Variants in SHB observed in about 807,000 individuals in gnomAD.
The protein encoded by SHB is SH2 domain-containing adapter protein B.
In SHB, 20 loss-of-function variants were observed where a neutral mutation model predicts 52.3. The ratio of observed to expected loss-of-function variants is 0.38; its 90% CI spans 0.27 to 0.56. SHB has a LOEUF of 0.56. Among genes scored for constraint, SHB ranks in the 20% least tolerant of loss-of-function variants. The pLI, the probability that SHB is intolerant of heterozygous loss-of-function variation, is 0.71. For synonymous variants in SHB, 397 were observed against 316.5 expected (o/e 1.25, Z -2.70); for missense variants, 825 against 723.3 (o/e 1.14, Z -1.61).
chr9:37,943,280 A>C (rs1336342263), intron 5 of SHB, among the ~76,000 whole-genome samples: 1 of 152,110 alleles, frequency 6.6e-6, no homozygotes, highest in Non-Finnish European at 1.5e-5. Flanking sequence ...ACTTTCATAG[A>C]AAGAGTACTT....
At position 38,038,103 on chromosome 9, in the gene SHB, T is replaced by C. The variant is rs367951306; in HGVS notation, c.718-21972A>G. On this transcript the variant is annotated intron_variant, in intron 1 of 5. Transcript: ENST00000377707. ...TCTTCCCCTAACCCTGCTTTATAGCTTGGGTCTGGCTGTCCGGCTCTGCCC... is the reference window on the plus strand; with the variant it reads ...TCTTCCCCTAACCCTGCTTTATAGCCTGGGTCTGGCTGTCCGGCTCTGCCC... Among the ~76,000 whole-genome samples, 22 of 152,306 alleles carry C rather than the reference T, an allele frequency of 1.4e-4. No individual in the cohort carries two copies. In the East Asian group the frequency reaches 3.7e-3, roughly 25 times the overall value.
At chr9:38,060,743 T>C (rs1053027485) in intron 1 of SHB, among the ~76,000 whole-genome samples, 2 of 152,226 alleles carry the variant, frequency 1.3e-5, no homozygotes, top group Admixed American at 6.5e-5. Context: ...GCATCTCCTG[T>C]GGCTCCATGA....
intron 5 of SHB, among the ~76,000 whole-genome samples, chr9:37,940,156 A>G (rs1389030709): frequency 6.6e-6 from 1 of 151,894 alleles, no homozygotes; most frequent in Non-Finnish European, 1.5e-5. Context: ...CTGTTCCTAC[A>G]CTCTCCACCC....
rs1459008641 is a variant in SHB, at chr9:37,917,573, T to G, written c.*2248A>C. Among the ~76,000 whole-genome samples the G allele has an allele frequency of 6.6e-6, 1 of 152,164 alleles. No individual in the cohort carries two copies. Among genetic ancestry groups the G allele is most frequent in the Non-Finnish European group, 1.5e-5 (1 of 68,008 alleles). On this transcript the variant is annotated 3_prime_UTR_variant, in exon 6 of 6. Coordinates refer to ENST00000377707, the MANE Select transcript of SHB (RefSeq NM_003028.3). ...TCCCCCGCCGGAGGGTTGTTCCCCC[T>G]CTTCCTCAGCCTCTCTTGGGCCTCC... is the stretch of plus-strand genomic sequence containing the variant.
intron 1 of SHB, among the ~76,000 whole-genome samples, chr9:38,033,534 T>A (rs959856041): frequency 1.3e-5 from 2 of 152,096 alleles, no homozygotes; most frequent in Non-Finnish European, 2.9e-5. Flanking sequence ...AAATAAAAAT[T>A]AAAATTAATC....
intron 2 of SHB, among the ~76,000 whole-genome samples, chr9:38,003,589 C>G (rs1296618969): frequency 2.6e-5 from 4 of 152,170 alleles, no homozygotes. Context: ...GTGCCCAGAA[C>G]AGCAGGGCTT....
At chr9:37,969,018 C>T (rs1820563433) in intron 3 of SHB, among the ~76,000 whole-genome samples, 1 of 152,212 alleles carries the variant, frequency 6.6e-6, no homozygotes, top group Non-Finnish European at 1.5e-5. Flanking sequence ...ACCCAGTCCC[C>T]CACAGAAACC....
intron 1 of SHB, among the ~76,000 whole-genome samples, chr9:38,017,000 A>G (rs1321044453): frequency 2.0e-5 from 3 of 152,232 alleles, no homozygotes; most frequent in Non-Finnish European, 4.4e-5. Flanking sequence ...TGGGATTCTA[A>G]CACTTCAGAG....
In SHB at chr9:38,049,706, G is replaced by A. The variant is rs552737153; in HGVS notation, c.717+18223C>T. On this transcript the variant is annotated intron_variant, in intron 1 of 5. Coordinates refer to ENST00000377707, the MANE Select transcript of SHB (RefSeq NM_003028.3). ...TTGCCCACAGTCACAGTCTGACCCTGAACCCAGACTAACCCTGGGCACTAA... is the reference window on the plus strand; with the variant it reads ...TTGCCCACAGTCACAGTCTGACCCTAAACCCAGACTAACCCTGGGCACTAA... Among the ~76,000 whole-genome samples, 14 of 149,928 alleles carry A rather than the reference G, an allele frequency of 9.3e-5. No individual in the cohort carries two copies. The South Asian group carries it at 2.9e-3, about 31-fold the overall frequency.
intron 3 of SHB, among the ~76,000 whole-genome samples, chr9:37,971,321 G>T (rs1564091364): frequency 6.6e-6 from 1 of 152,204 alleles, no homozygotes; most frequent in Admixed American, 6.5e-5. Context: ...TACACATGGG[G>T]CTGTGGCAAC....
At position 38,035,395 on chromosome 9, in the gene SHB, GTCC is replaced by G. The variant is rs373864843; in HGVS notation, c.718-19267_718-19265del. ...ATCCTTTGCCACTAGAAACTCTATAGTCCTCCTGAGATTTTTATGGTACCCTGA... is the reference window on the plus strand; with the variant it reads ...ATCCTTTGCCACTAGAAACTCTATAGTCCTGAGATTTTTATGGTACCCTGA... On this transcript the variant is annotated intron_variant, in intron 1 of 5. Transcript: ENST00000377707. 3.6e-3 allele frequency among the ~76,000 whole-genome samples: 552 copies of G among 152,064 alleles called. 2 individuals carry two copies. The highest frequency in any genetic ancestry group is 6.8e-3 in the Middle Eastern group (2 of 294).
chr9:38,047,276 A>T (rs116663045), intron 1 of SHB, among the ~76,000 whole-genome samples: 1,784 of 152,360 alleles, frequency 0.012, 32 homozygotes, highest in African/African-American at 0.041. Context: ...CCAATGAGAG[A>T]TGTACCTGAA....
chr9:37,999,507 C>T (rs1206738387), intron 2 of SHB, among the ~76,000 whole-genome samples: 1 of 152,178 alleles, frequency 6.6e-6, no homozygotes, highest in Non-Finnish European at 1.5e-5. Context: ...CGAAAGTAGG[C>T]TTCTGTGGAA....
At chr9:38,022,878 C>T (rs1821298531) in intron 1 of SHB, among the ~76,000 whole-genome samples, 1 of 152,228 alleles carries the variant, frequency 6.6e-6, no homozygotes, top group Non-Finnish European at 1.5e-5. Context: ...AAGGGAGCTC[C>T]TGCTGCGTGG....
intron 2 of SHB, among the ~76,000 whole-genome samples, chr9:38,012,846 A>G (rs1249882371): frequency 3.3e-5 from 5 of 150,674 alleles, no homozygotes; most frequent in African/African-American, 1.2e-4. Context: ...AATATCATCC[A>G]AAAAGGATCA....
intron 3 of SHB, among the ~76,000 whole-genome samples, chr9:37,965,382 C>T (rs1280121216): frequency 1.3e-5 from 2 of 152,206 alleles, no homozygotes; most frequent in Admixed American, 1.3e-4. Context: ...CCAGAGGTGG[C>T]AGCCACAGCA....
At chr9:37,983,967 TAG>T (rs1298896483) in intron 2 of SHB, among the ~76,000 whole-genome samples, 1 of 152,222 alleles carries the variant, frequency 6.6e-6, no homozygotes, top group Non-Finnish European at 1.5e-5. Flanking sequence ...CCGATCCCAC[TAG>T]AGTGCTTAGT....
intron 2 of SHB, among the ~76,000 whole-genome samples, chr9:37,976,472 C>T (rs1218022990): frequency 2.0e-5 from 3 of 152,216 alleles, no homozygotes; most frequent in Admixed American, 2.0e-4. Flanking sequence ...CCATTAAACA[C>T]TAACTCTCCC....
At chr9:37,958,347 GAGA>G (rs1223634098) in intron 3 of SHB, among the ~76,000 whole-genome samples, 1 of 152,170 alleles carries the variant, frequency 6.6e-6, no homozygotes, top group Non-Finnish European at 1.5e-5. Context: ...TGCAGCATCA[GAGA>G]AGGACGACTA....
Sources: gnomAD v4.1 joint callset for allele counts (sites outside exome capture counted in the v4.1 genomes callset) on GRCh38, gnomAD v4.1.1 for gene constraint, MANE v1.5 for transcripts, NCBI Gene and HGNC (gene_info 2026-07-23, HGNC 2026-07-21) for gene names.